Variants in MYO15B observed in about 807,000 individuals in gnomAD.
MYO15B encodes myosin XVB pseudogene.
In MYO15B, 207 loss-of-function variants were observed where a neutral mutation model predicts 119.3. That is an observed-to-expected ratio of 1.73 (90% CI 1.55 to 1.95). The LOEUF is 1.95. Among genes scored for constraint, MYO15B ranks in the 30% most tolerant of loss-of-function variants. MYO15B has a pLI of 0.00. For synonymous variants in MYO15B, 966 were observed against 498.9 expected, an observed-to-expected ratio of 1.94 and a Z score of -12.48; for missense variants, 2,264 against 1,203.1, an observed-to-expected ratio of 1.88 and a Z score of -13.04.
chr17:75,626,333 G>A lies in MYO15B; in HGVS notation c.9214-74G>A, dbSNP rs552189856. ...GGCCCAGGCCGATGCCCACTGCTCC[G>A]GAGTGCTGTGGGCCGGGGCAGAGGC... On this transcript the variant is annotated intron_variant, in intron 63 of 63. Transcript: ENST00000645453. 101 of 701,098 alleles carry A rather than the reference G, an allele frequency of 1.4e-4. 1 individual carries two copies. The highest frequency in any genetic ancestry group is 1.1e-3 in the South Asian group (74 of 67,356). The allele number at this position is 701,098 out of a possible 1,614,324, so 43.4% of individuals were successfully genotyped here.
At chr17:75,598,231 ACACTC>A (rs1292767455) in intron 14 of MYO15B, among the ~76,000 whole-genome samples, 1 of 150,346 alleles carries the variant, frequency 6.7e-6, no homozygotes, top group Admixed American at 6.7e-5. Flanking sequence ...TCGTGCCACT[ACACTC>A]CAGCCTGGGG....
chr17:75,624,555 G>A (rs1309565999), exon 58 of MYO15B: 8 of 702,978 alleles, frequency 1.1e-5, no homozygotes, highest in Non-Finnish European at 1.8e-5. Context: ...AGCAGCAGAA[G>A]TGCAGGAGGA....
At chr17:75,590,381 G>A (rs915851491) in intron 1 of MYO15B, 138 bp downstream of exon 1, 15 of 398,064 alleles carry the variant, frequency 3.8e-5, no homozygotes, top group African/African-American at 3.1e-4. Context: ...GGCAGGAAGG[G>A]GCAGGTAAGG....
rs552116939 is a variant in MYO15B, at chr17:75,605,165, C to T, written c.4017-339C>T. On this transcript the variant is annotated intron_variant, in intron 19 of 63. Coordinates refer to ENST00000645453, the Ensembl canonical transcript of MYO15B. Reference sequence around the variant, plus strand: ...AAAAAAAAACCAAAAAGGCCGGGCGCAGTGGCTCACGCCTGTAATCCCAGC... The same window carrying T: ...AAAAAAAAACCAAAAAGGCCGGGCGTAGTGGCTCACGCCTGTAATCCCAGC... Among the ~76,000 whole-genome samples, 304 of 151,490 alleles carry T rather than the reference C, an allele frequency of 2.0e-3. 6 individuals carry two copies. The highest frequency in any genetic ancestry group is 0.018 in the Admixed American group (278 of 15,216).
At chr17:75,620,704 G>T in intron 49 of MYO15B, 68 bp downstream of exon 49, 1 of 689,396 alleles carries the variant, frequency 1.5e-6, no homozygotes, top group South Asian at 1.5e-5. Flanking sequence ...AAAGGGGTTT[G>T]ACCACTCCCG....
Position 75,613,789 on chromosome 17 carries a change from G to A in MYO15B, c.5219+12G>A, listed in dbSNP as rs554031857. 15 of 698,432 alleles carry A rather than the reference G, an allele frequency of 2.1e-5. No homozygotes were observed. The highest frequency in any genetic ancestry group is 8.7e-5 in the African/African-American group (5 of 57,286). 43.3% of individuals were successfully genotyped at this position (698,432 alleles called of 1,614,324 possible). ...ATCCTGCAGAGCAGGTATGGGGACC[G>A]GGGATGGGGGACAGTGTGGCCAAAG... On this transcript the variant is annotated intron_variant, in intron 29 of 63. Transcript: ENST00000645453.
chr17:75,607,877 T>C (rs2147926919), intron 21 of MYO15B, among the ~76,000 whole-genome samples: 1 of 152,334 alleles, frequency 6.6e-6, no homozygotes, highest in Admixed American at 6.5e-5. Context: ...TTGCTTTCCA[T>C]AGTGGCTGCA....
chr17:75,621,182 T>A lies in MYO15B; in HGVS notation c.7871+6T>A, dbSNP rs1568222158. The A allele has an allele frequency of 1.5e-6, 1 of 688,052 alleles. No individual in the cohort carries two copies. Among genetic ancestry groups the A allele is most frequent in the Non-Finnish European group, 2.7e-6 (1 of 376,688 alleles). 42.6% of individuals were successfully genotyped at this position (688,052 alleles called of 1,614,324 possible). ...TTCCGGAGGTCCCAGGCCTTGTGAG[T>A]GCACTGGGCCAACCCCTGTGCCTGT... On this transcript the variant is annotated splice_donor_region_variant and intron_variant, in intron 50 of 63. Transcript: ENST00000645453.
chr17:75,593,572 T>C (rs2056626343), intron 9 of MYO15B, among the ~76,000 whole-genome samples: 2 of 150,494 alleles, frequency 1.3e-5, no homozygotes, highest in East Asian at 3.9e-4. Context: ...GTTGCGCCAC[T>C]GTACTCCATC....
chr17:75,612,404 G>C (rs2058083232), intron 25 of MYO15B, among the ~76,000 whole-genome samples: 1 of 152,190 alleles, frequency 6.6e-6, no homozygotes, highest in Non-Finnish European at 1.5e-5. Context: ...GGACATGGTG[G>C]CTCATGCTTG....
chr17:75,624,047 A>G lies in MYO15B; in HGVS notation c.8255A>G (p.Asp2752Gly), dbSNP rs955908355. The G allele has an allele frequency of 5.7e-6, 4 of 702,912 alleles. No homozygotes were observed. In the African/African-American group the frequency reaches 7.0e-5, roughly 12 times the overall value. The allele number at this position is 702,912 out of a possible 1,614,324, so 43.5% of individuals were successfully genotyped here. The change falls in exon 55 of 64, where the codon GAT (aspartate) becomes GGT (glycine). Residue 2752 changes from aspartate (D) to glycine (G), a missense_variant. By Grantham distance (94) the Asp-to-Gly change is moderately conservative. Transcript: ENST00000645453. ...CCCTACCTGACCAAGTTTCTGCAGGATTCAGGCCCCAGCCAAGGTGCCCGT... is the reference window on the plus strand; with the variant it reads ...CCCTACCTGACCAAGTTTCTGCAGGGTTCAGGCCCCAGCCAAGGTGCCCGT...
At chr17:75,625,691 G>A (rs1182772260) in intron 61 of MYO15B, 31 bp downstream of exon 61, 1 of 702,420 alleles carries the variant, frequency 1.4e-6, no homozygotes, top group African/African-American at 1.7e-5. Context: ...CCGCTGGGTG[G>A]GGGCTGGAGG....
At chr17:75,592,127 T>C (rs1288606068) in intron 6 of MYO15B, 47 bp downstream of exon 6, 1 of 702,000 alleles carries the variant, frequency 1.4e-6, no homozygotes, top group Non-Finnish European at 2.6e-6. Flanking sequence ...TTACCCTTCC[T>C]GGGTCCTTGG....
At chr17:75,623,811 A>G in exon 54 of MYO15B, 1 of 702,852 alleles carries the variant, frequency 1.4e-6, no homozygotes, top group Non-Finnish European at 2.6e-6. Context: ...GAGGGATGAG[A>G]TTTACTGCCA....
In MYO15B at chr17:75,624,401, A is replaced by AC; in HGVS notation, c.8401dup (p.Leu2801ProfsTer8). On this transcript the variant is annotated frameshift_variant, in exon 57 of 64. Coordinates refer to ENST00000645453, the Ensembl canonical transcript of MYO15B. LOFTEE classifies it high-confidence loss of function. The stretch of plus-strand genomic sequence containing the variant: ...CAAGCGATTCGCCTGCTTCTTATTC[A>AC]CCTGCCGGGGGGTGTGGATTATAGG... 1 of 702,282 alleles carries AC rather than the reference A, an allele frequency of 1.4e-6. No homozygotes were observed. Among genetic ancestry groups the AC allele is most frequent in the South Asian group, 1.5e-5 (1 of 67,104 alleles). The allele number at this position is 702,282 out of a possible 1,614,324, so 43.5% of individuals were successfully genotyped here. A position where few individuals can be genotyped will look rare whatever the true frequency, so the allele number is the denominator to read the frequency against.
At chr17:75,622,131 G>T in intron 53 of MYO15B, 51 bp downstream of exon 53, 1 of 696,774 alleles carries the variant, frequency 1.4e-6, no homozygotes, top group East Asian at 2.7e-5. Flanking sequence ...CTCCTGTCTG[G>T]GCCTGAAGGA....
At chr17:75,620,899 A>G (rs2058669846) in intron 49 of MYO15B, 132 bp from the exon 50 acceptor site, 1 of 702,114 alleles carries the variant, frequency 1.4e-6, no homozygotes, top group East Asian at 2.7e-5. Flanking sequence ...GATGCTTAAT[A>G]AACAGCTCTT....
intron 19 of MYO15B, among the ~76,000 whole-genome samples, chr17:75,605,036 C>G (rs1350082974): frequency 6.6e-6 from 1 of 152,028 alleles, no homozygotes; most frequent in Admixed American, 6.6e-5. Context: ...ACTCGGGAGG[C>G]TGAGGCAAGA....
rs1229362179 is a variant in MYO15B at position 75,620,863 on chromosome 17, G to A, written c.7726-168G>A. 5.7e-6 allele frequency: 4 copies of A among 701,848 alleles called. No individual in the cohort carries two copies. The East Asian group carries it at 1.1e-4, about 19-fold the overall frequency. The allele number at this position is 701,848 out of a possible 1,614,324, so 43.5% of individuals were successfully genotyped here. A position where few individuals can be genotyped will look rare whatever the true frequency, so the allele number is the denominator to read the frequency against. On this transcript the variant is annotated intron_variant, in intron 49 of 63. Coordinates refer to ENST00000645453, the Ensembl canonical transcript of MYO15B. ...GGATGCTGCTCTTGTGTCCCACGTG[G>A]TACTTAGTTCAAGGCTGCCCCAGCA...
Sources: allele counts gnomAD v4.1 joint callset (sites outside exome capture counted in the v4.1 genomes callset), GRCh38; gene constraint gnomAD v4.1.1; transcripts MANE v1.5; gene names NCBI Gene and HGNC (gene_info 2026-07-23, HGNC 2026-07-21).